The following COG2 variants were observed in gnomAD, a reference collection of about 807,000 sequenced individuals.
COG2 encodes component of oligomeric golgi complex 2.
In COG2, 52 loss-of-function variants were observed where a neutral mutation model predicts 90.6. The ratio of observed to expected loss-of-function variants is 0.57; its 90% CI spans 0.46 to 0.72. The LOEUF is 0.72. Ranked by LOEUF, COG2 falls within the 30% of genes least tolerant of loss-of-function variation. The pLI, the probability that COG2 is intolerant of heterozygous loss-of-function variation, is 0.00. For synonymous variants in COG2, 337 were observed against 320.4 expected (o/e 1.05, Z -0.55); for missense variants, 829 against 891.2 (o/e 0.93, Z 0.89).
At position 230,687,001 on chromosome 1, in the gene COG2, A is replaced by C. The variant is rs1279317850; in HGVS notation, c.1447A>C (p.Lys483Gln). 1.9e-5 allele frequency: 31 copies of C among 1,609,410 alleles called. No individual in the cohort carries two copies. The highest frequency in any genetic ancestry group is 2.5e-5 in the Non-Finnish European group (30 of 1,177,038). ...CAAGAAACCTTTGGTAACTGGTAGC[A>C]AAGAACCTTCCATCACCCAAGGAAA... ...EIKKPLVTGSKEPSITQGNTE... is the reference protein window; with the variant it reads ...EIKKPLVTGSQEPSITQGNTE... The change falls in exon 13 of 18, where the codon AAA becomes CAA. Residue 483 changes from lysine to glutamine, a missense_variant. Transcript: ENST00000366669.
intron 11 of COG2, 139 bp downstream of exon 11, chr1:230,683,774 T>C (rs968542432): frequency 1.6e-6 from 1 of 629,450 alleles, no homozygotes; most frequent in Non-Finnish European, 2.8e-6. Flanking sequence ...ACCTTAAAAA[T>C]CACTTAGTTT....
intron 11 of COG2, chr1:230,684,530 C>T (rs986052608): frequency 6.5e-6 from 1 of 153,150 alleles, no homozygotes. Context: ...CACTGAAATA[C>T]TGTGTGCTGA....
At chr1:230,645,078 T>C (rs902368461) in intron 1 of COG2, among the ~76,000 whole-genome samples, 2 of 151,530 alleles carry the variant, frequency 1.3e-5, no homozygotes, top group Admixed American at 6.6e-5. Flanking sequence ...CTACAAAATA[T>C]TGAAAAATTA....
At chr1:230,652,562 T>C (rs2102744049) in intron 1 of COG2, among the ~76,000 whole-genome samples, 1 of 152,332 alleles carries the variant, frequency 6.6e-6, no homozygotes, top group Non-Finnish European at 1.5e-5. Context: ...CCCATTTGGC[T>C]AAATACGGAG....
At chr1:230,656,544 G>A (rs1484629503) in intron 1 of COG2, among the ~76,000 whole-genome samples, 2 of 152,208 alleles carry the variant, frequency 1.3e-5, no homozygotes, top group East Asian at 1.9e-4. Context: ...TGAGAAGAAT[G>A]TATATTCTGT....
At chr1:230,689,860 G>A in intron 15 of COG2, 154 bp from the exon 16 acceptor site, 1 of 653,810 alleles carries the variant, frequency 1.5e-6, no homozygotes, top group Non-Finnish European at 2.6e-6. Flanking sequence ...AGCTTTCTGT[G>A]GACCCCAGTG....
At chr1:230,685,037 A>G (rs754338455) in intron 11 of COG2, 48 bp from the exon 12 acceptor site, 38 of 1,605,896 alleles carry the variant, frequency 2.4e-5, no homozygotes, top group Non-Finnish European at 2.6e-5. Context: ...TATAGCCTAA[A>G]ATTGCCTGAA....
At chr1:230,647,676 A>G (rs1205870522) in intron 1 of COG2, among the ~76,000 whole-genome samples, 1 of 152,192 alleles carries the variant, frequency 6.6e-6, no homozygotes, top group Non-Finnish European at 1.5e-5. Context: ...ACAGATAGCA[A>G]AATCTGCAAA....
At chr1:230,683,745 T>TA in intron 11 of COG2, 110 bp downstream of exon 11, 5 of 773,608 alleles carry the variant, frequency 6.5e-6, no homozygotes, top group Middle Eastern at 2.4e-4. Flanking sequence ...TTTTTTTTTT[T>TA]AATCATACAG....
chr1:230,690,216 A>C, intron 16 of COG2, 63 bp downstream of exon 16: 2 of 1,449,710 alleles, frequency 1.4e-6, no homozygotes, highest in Non-Finnish European at 1.9e-6. Context: ...AGAAACCCCC[A>C]AGGCAATCAA....
At chr1:230,671,721 GACTGTCTTGTATGA>G (rs1662454622) in intron 8 of COG2, 81 bp downstream of exon 8, 4 of 1,326,506 alleles carry the variant, frequency 3.0e-6, no homozygotes, top group African/African-American at 1.5e-5. Context: ...GATGGACGAT[GACTGTCTTGTATGA>G]ACTGTCTTGT....
rs1662808363 is a variant in COG2 at position 230,683,605 on chromosome 1, G to T, written c.1198G>T (p.Ala400Ser). The T allele has an allele frequency of 2.5e-6, 4 of 1,612,392 alleles. No individual in the cohort carries two copies. In the East Asian group the frequency reaches 8.9e-5, roughly 36 times the overall value. Residue 400 changes from alanine to serine, a missense_variant, in exon 11 of 18, where the codon GCA becomes TCA. Physicochemically the swap from Ala to Ser is moderately conservative, Grantham distance 99. Transcript: ENST00000366669. ...AGAAATAGCGGGATCCTTAGAAGCA[G>T]CACTTACAGATGTCCTGGAAGATGC... The part of the protein sequence containing the change: ...FREIAGSLEA[A>S]LTDVLEDAPA...
intron 7 of COG2, chr1:230,671,121 T>A (rs1400842592): frequency 6.5e-6 from 1 of 152,768 alleles, no homozygotes; most frequent in Admixed American, 6.5e-5. Flanking sequence ...TTTTCTTCTG[T>A]CTTTCTCTGC....
At chr1:230,680,011 C>T (rs1386800761) in intron 10 of COG2, 1 of 151,992 alleles carries the variant, frequency 6.6e-6, no homozygotes, top group Non-Finnish European at 1.5e-5. Context: ...AGTAAGGTGC[C>T]CTTTCACTTA....
chr1:230,688,156 C>A lies in COG2; in HGVS notation c.1651+13C>A. 1 of 1,517,904 alleles carries A rather than the reference C, an allele frequency of 6.6e-7. No homozygotes were observed. Among genetic ancestry groups the A allele is most frequent in the Non-Finnish European group, 9.0e-7 (1 of 1,108,648 alleles). The allele number at this position is 1,517,904 out of a possible 1,614,324, so 94.0% of individuals were successfully genotyped here. A position where few individuals can be genotyped will look rare whatever the true frequency, so the allele number is the denominator to read the frequency against. ...TCTTCTATCTCAGGTAAAAATGAATCTTGACTAAGCAAATCTTTGAATAAG... is the reference window on the plus strand; with the variant it reads ...TCTTCTATCTCAGGTAAAAATGAATATTGACTAAGCAAATCTTTGAATAAG... On this transcript the variant is annotated intron_variant, in intron 14 of 17. Coordinates refer to ENST00000366669, the MANE Select transcript of COG2 (RefSeq NM_007357.3).
At chr1:230,667,803 C>G (rs1478368784) in intron 5 of COG2, among the ~76,000 whole-genome samples, 1 of 148,524 alleles carries the variant, frequency 6.7e-6, no homozygotes, top group Non-Finnish European at 1.5e-5. Context: ...TTTTTCCTCC[C>G]TAACTGGTGA....
At chr1:230,648,859 A>G (rs1464342490) in intron 1 of COG2, among the ~76,000 whole-genome samples, 1 of 152,204 alleles carries the variant, frequency 6.6e-6, no homozygotes, top group African/African-American at 2.4e-5. Flanking sequence ...AGCACTTCAG[A>G]ATGAGATCAT....
At chr1:230,662,179 C>G (rs1662196604) in intron 3 of COG2, among the ~76,000 whole-genome samples, 1 of 152,170 alleles carries the variant, frequency 6.6e-6, no homozygotes, top group South Asian at 2.1e-4. Flanking sequence ...CATATGCTCT[C>G]CCTCCTTCCA....
chr1:230,687,823 G>A (rs1201379694), intron 13 of COG2, among the ~76,000 whole-genome samples: 5 of 152,146 alleles, frequency 3.3e-5, no homozygotes, highest in African/African-American at 1.2e-4. Flanking sequence ...CCATAGAGTA[G>A]AAAATGTTTT....
Sources: allele counts gnomAD v4.1 joint callset (sites outside exome capture counted in the v4.1 genomes callset), GRCh38; gene constraint gnomAD v4.1.1; transcripts MANE v1.5; gene names NCBI Gene and HGNC (gene_info 2026-07-23, HGNC 2026-07-21).